Variants in USP48 observed in about 807,000 individuals in gnomAD.
USP48 encodes the protein ubiquitin specific peptidase 48.
A neutral mutation model predicts 150.7 loss-of-function variants in USP48; 43 were observed. The observed-to-expected ratio is 0.29, with a 90% CI of 0.22 to 0.37. The LOEUF (loss-of-function observed/expected upper bound fraction) is 0.37, where lower values mean the gene tolerates loss of function less well. Among genes scored for constraint, USP48 ranks in the 10% least tolerant of loss-of-function variants. The pLI, the probability that USP48 is intolerant of heterozygous loss-of-function variation, is 1.00. For missense variants in USP48, 813 were observed against 1,249.6 expected (o/e 0.65, Z 5.27); for synonymous variants, 396 against 425.9 (o/e 0.93, Z 0.86).
chr1:21,723,480 C>T (rs999894865), intron 12 of USP48, among the ~76,000 whole-genome samples: 16 of 150,280 alleles, frequency 1.1e-4, no homozygotes, highest in African/African-American at 3.9e-4. Context: ...AGCCACTGCA[C>T]GCCAGCCTGG....
chr1:21,745,965 A>G (rs1273130415), intron 8 of USP48, among the ~76,000 whole-genome samples: 1 of 152,246 alleles, frequency 6.6e-6, no homozygotes, highest in Non-Finnish European at 1.5e-5. Context: ...CCACAGAGGT[A>G]CAAATTTTAA....
Position 21,774,820 on chromosome 1 carries a change from C to T in USP48, c.134+8004G>A, listed in dbSNP as rs539852274. 9.2e-5 allele frequency among the ~76,000 whole-genome samples: 14 copies of T among 151,486 alleles called. No homozygotes were observed. In the East Asian group the frequency reaches 2.2e-3, roughly 23 times the overall value. On this transcript the variant is annotated intron_variant, in intron 1 of 26. Transcript: ENST00000308271. ...CAGCCTGGCCAACATGGTGAAACCC[C>T]GTCTCCACTAAACTACAAAAATTAG... is the stretch of plus-strand genomic sequence containing the variant.
intron 23 of USP48, among the ~76,000 whole-genome samples, chr1:21,691,117 C>A (rs2097598264): frequency 6.6e-6 from 1 of 152,026 alleles, no homozygotes; most frequent in Non-Finnish European, 1.5e-5. Flanking sequence ...GAGTTCGAGA[C>A]CAGCCTGACC....
At chr1:21,747,562 T>C (rs549074134) in intron 7 of USP48, among the ~76,000 whole-genome samples, 1 of 151,870 alleles carries the variant, frequency 6.6e-6, no homozygotes, top group East Asian at 1.9e-4. Flanking sequence ...TTCAATTACT[T>C]GCAGTTTTTC....
intron 1 of USP48, among the ~76,000 whole-genome samples, chr1:21,762,976 G>T (rs1328583876): frequency 6.6e-6 from 1 of 151,448 alleles, no homozygotes; most frequent in Non-Finnish European, 1.5e-5. Flanking sequence ...GATCTGTTTA[G>T]ATTTTAGTCT....
chr1:21,694,879 C>G (rs79878678), intron 23 of USP48, among the ~76,000 whole-genome samples, 187 bp downstream of exon 23: 3,499 of 152,256 alleles, frequency 0.023, 138 homozygotes, highest in African/African-American at 0.078. Flanking sequence ...TATTGCAGAA[C>G]CAGCCCAAGT....
intron 24 of USP48, among the ~76,000 whole-genome samples, chr1:21,688,271 T>A (rs2097585066): frequency 6.6e-6 from 1 of 151,928 alleles, no homozygotes; most frequent in Non-Finnish European, 1.5e-5. Context: ...CAGGCTGGAG[T>A]GCAGTGGCGC....
chr1:21,705,950 T>C, intron 18 of USP48, 113 bp from the exon 19 acceptor site: 1 of 1,057,476 alleles, frequency 9.5e-7, no homozygotes, highest in Non-Finnish European at 1.3e-6. Flanking sequence ...TATTAGTAAT[T>C]CAATGTGTTT....
At chr1:21,776,592 CAAAAAAAAAAAAA>C (rs59309344) in intron 1 of USP48, among the ~76,000 whole-genome samples, 13 of 57,992 alleles carry the variant, frequency 2.2e-4, no homozygotes, top group Non-Finnish European at 3.8e-4. Context: ...TGTCTTGTCT[CAAAAAAAAAAAAA>C]AAAAAAAAAA....
intron 1 of USP48, among the ~76,000 whole-genome samples, chr1:21,772,859 T>C (rs1456857811): frequency 6.7e-6 from 1 of 150,164 alleles, no homozygotes; most frequent in African/African-American, 2.5e-5. Context: ...GAGGCAAAGG[T>C]TGCAGTGAGC....
At chr1:21,772,942 GAAAGAAAGAAAA>G (rs149568677) in intron 1 of USP48, among the ~76,000 whole-genome samples, 2,528 of 147,324 alleles carry the variant, frequency 0.017, 33 homozygotes, top group Non-Finnish European at 0.027. Flanking sequence ...AACCAAGAAA[GAAAGAAAGAAAA>G]AAAGAAAGAA....
chr1:21,705,772 C>T lies in USP48; in HGVS notation c.2339G>A (p.Gly780Asp). Residue 780 changes from glycine to aspartate, a missense_variant, in exon 19 of 27, where the codon GGC becomes GAC. Gly to Asp is a moderately conservative substitution (Grantham distance 94, BLOSUM62 -1). Coordinates refer to ENST00000308271, the MANE Select transcript of USP48 (RefSeq NM_032236.8). ...GNSALLCPHG[G>D]LMFTFASMTK... ...CATGGAAGCAAATGTAAACATGAGG[C>T]CCCCGTGGGGACACAAAAGAGCACT... 1.2e-6 allele frequency: 2 copies of T among 1,612,180 alleles called. No homozygotes were observed. Among genetic ancestry groups the T allele is most frequent in the South Asian group, 2.2e-5 (2 of 90,538 alleles).
chr1:21,725,730 G>A (rs759221398), intron 11 of USP48, among the ~76,000 whole-genome samples: 35 of 143,614 alleles, frequency 2.4e-4, no homozygotes, highest in Admixed American at 6.6e-4. Context: ...TCTAGCCTGG[G>A]CAACAAGAGT....
intron 2 of USP48, 96 bp downstream of exon 2, chr1:21,757,567 G>C: frequency 1.4e-6 from 2 of 1,396,336 alleles, no homozygotes; most frequent in Admixed American, 2.4e-5. Context: ...CAGGTTACCT[G>C]AAATCAGTAG....
Position 21,721,241 on chromosome 1 carries a change from A to T in USP48, c.1764-75T>A, listed in dbSNP as rs540767160. On this transcript the variant is annotated intron_variant, in intron 13 of 26. Transcript: ENST00000308271. Reference sequence around the variant, plus strand: ...TGTCCTCCCTTCTTTGCCTGTAAAAACAACTAAAGTGAATTACAAACACTC... The same window carrying T: ...TGTCCTCCCTTCTTTGCCTGTAAAATCAACTAAAGTGAATTACAAACACTC... 5.1e-6 allele frequency: 8 copies of T among 1,558,984 alleles called. No homozygotes were observed. In the South Asian group the frequency reaches 7.1e-5, roughly 14 times the overall value.
intron 9 of USP48, among the ~76,000 whole-genome samples, chr1:21,734,332 G>T (rs1020673424): frequency 2.0e-5 from 3 of 152,096 alleles, no homozygotes; most frequent in African/African-American, 7.2e-5. Flanking sequence ...CCAGGAGTTC[G>T]AGGCTGCAGT....
At chr1:21,722,158 G>A (rs900489) in intron 12 of USP48, among the ~76,000 whole-genome samples, 1 of 151,708 alleles carries the variant, frequency 6.6e-6, no homozygotes, top group African/African-American at 2.4e-5. Context: ...AAAAGGAAAA[G>A]CAAAATGAAG....
chr1:21,697,402 G>A (rs1216498496), intron 22 of USP48, among the ~76,000 whole-genome samples: 6 of 152,132 alleles, frequency 3.9e-5, no homozygotes, highest in Non-Finnish European at 5.9e-5. Context: ...GGTGGCTCAT[G>A]CCTGTAATCC....
At chr1:21,708,762 G>GT (rs1408339927) in intron 15 of USP48, among the ~76,000 whole-genome samples, 4 of 149,798 alleles carry the variant, frequency 2.7e-5, no homozygotes, top group African/African-American at 7.4e-5. Flanking sequence ...GTGTGCACCT[G>GT]TAATTGCAGC....
Sources: allele counts gnomAD v4.1 joint callset (sites outside exome capture counted in the v4.1 genomes callset), GRCh38; gene constraint gnomAD v4.1.1; transcripts MANE v1.5; gene names NCBI Gene and HGNC (gene_info 2026-07-23, HGNC 2026-07-21).